Variants in RANBP2 observed in about 807,000 individuals in gnomAD.
RANBP2 encodes the protein RAN binding protein 2, also known as E3 SUMO-protein ligase RanBP2.
In RANBP2, 57 loss-of-function variants were observed where a neutral mutation model predicts 303.6. That is an observed-to-expected ratio of 0.19 (90% CI 0.15 to 0.23). The LOEUF (loss-of-function observed/expected upper bound fraction) is 0.23, where lower values mean the gene tolerates loss of function less well. RANBP2 is among the 10% of genes least tolerant of loss of function. The probability of loss-of-function intolerance (pLI) is 1.00; values close to 1 mark genes in which losing one functional copy is unlikely to be tolerated. For missense variants in RANBP2, 3,138 were observed against 3,780.8 expected (o/e 0.83, Z 4.46); for synonymous variants, 1,167 against 1,301.5 (o/e 0.90, Z 2.23).
At chr2:109,297,330 C>T in the RANBP2 span, among the ~76,000 whole-genome samples, 1 of 152,118 alleles carries the variant, frequency 6.6e-6, no homozygotes, top group South Asian at 2.1e-4. Context: ...AGACCCTTTG[C>T]TCAGTTGAGA....
the RANBP2 span, among the ~76,000 whole-genome samples, chr2:109,336,276 T>G: frequency 6.6e-6 from 1 of 152,232 alleles, no homozygotes; most frequent in African/African-American, 2.4e-5. Context: ...TTCTCTAGAC[T>G]AGGTAAAATG....
chr2:109,000,284 T>C, the RANBP2 span, among the ~76,000 whole-genome samples: 2 of 152,130 alleles, frequency 1.3e-5, no homozygotes, highest in East Asian at 3.9e-4. Context: ...CCCAGCACTT[T>C]AGGAGGCTGA....
chr2:109,386,927 A>G, the RANBP2 span, among the ~76,000 whole-genome samples: 1 of 152,226 alleles, frequency 6.6e-6, no homozygotes, highest in African/African-American at 2.4e-5. Flanking sequence ...CCATAGGTCG[A>G]TGGAGACTCC....
At chr2:108,912,600 T>A in the RANBP2 span, 1 of 1,354,296 alleles carries the variant, frequency 7.4e-7, no homozygotes, top group Non-Finnish European at 1.0e-6. Context: ...TCACTCATGA[T>A]CATTTCCTCT....
the RANBP2 span, among the ~76,000 whole-genome samples, chr2:109,527,177 A>T: frequency 5.3e-5 from 8 of 152,192 alleles, no homozygotes; most frequent in African/African-American, 1.9e-4. Context: ...CACGAAGCAG[A>T]TGTGTGTGCC....
the RANBP2 span, among the ~76,000 whole-genome samples, chr2:109,514,726 G>A: frequency 6.6e-6 from 1 of 152,320 alleles, no homozygotes; most frequent in East Asian, 1.9e-4. Flanking sequence ...CTGTGGGACC[G>A]ATTGGTCTCT....
the RANBP2 span, among the ~76,000 whole-genome samples, chr2:108,828,697 G>A: frequency 6.6e-6 from 1 of 152,104 alleles, no homozygotes; most frequent in Non-Finnish European, 1.5e-5. Flanking sequence ...AATTTAACTC[G>A]GCTGGGCGTG....
At chr2:109,398,995 C>T in the RANBP2 span, 3 of 1,525,938 alleles carry the variant, frequency 2.0e-6, no homozygotes, top group Non-Finnish European at 1.8e-6. Flanking sequence ...GGGGTTCTAT[C>T]CTCAGCTCCG....
chr2:109,431,157 G>A, the RANBP2 span, among the ~76,000 whole-genome samples: 1 of 152,184 alleles, frequency 6.6e-6, no homozygotes, highest in South Asian at 2.1e-4. Context: ...TCCAGCATCA[G>A]GAGGGTGCAA....
the RANBP2 span, among the ~76,000 whole-genome samples, chr2:108,848,844 T>C: frequency 6.6e-6 from 1 of 152,202 alleles, no homozygotes; most frequent in African/African-American, 2.4e-5. Flanking sequence ...GCACTTCATA[T>C]TATGTATTGA....
the RANBP2 span, among the ~76,000 whole-genome samples, chr2:109,499,212 C>G: frequency 0.38 from 57,500 of 151,892 alleles, 11,197 homozygotes; most frequent in Admixed American, 0.53. Context: ...GGGGCCGTGT[C>G]TCCTAGACAG....
the RANBP2 span, among the ~76,000 whole-genome samples, chr2:109,039,080 A>G: frequency 6.6e-6 from 1 of 152,206 alleles, no homozygotes; most frequent in Admixed American, 6.5e-5. Flanking sequence ...CTTACCCTCC[A>G]TTAGGCAAGC....
chr2:108,837,268 C>T, the RANBP2 span, among the ~76,000 whole-genome samples: 601 of 152,152 alleles, frequency 4.0e-3, 6 homozygotes, highest in South Asian at 0.017. Context: ...TTGTTCAGTG[C>T]TTTTTCTTTG....
chr2:109,439,025 A>G, the RANBP2 span, among the ~76,000 whole-genome samples: 1 of 152,208 alleles, frequency 6.6e-6, no homozygotes, highest in African/African-American at 2.4e-5. Context: ...TCTGCCCAGA[A>G]TAGCCAGTAT....
At chr2:109,677,109 C>T in the RANBP2 span, among the ~76,000 whole-genome samples, 2 of 152,288 alleles carry the variant, frequency 1.3e-5, no homozygotes, top group Non-Finnish European at 2.9e-5. Context: ...CTCTCATCAG[C>T]ACCTCCTCCT....
the RANBP2 span, among the ~76,000 whole-genome samples, chr2:109,315,939 A>G: frequency 1.3e-5 from 2 of 152,178 alleles, no homozygotes; most frequent in Non-Finnish European, 2.9e-5. Flanking sequence ...TTTGGAGAAT[A>G]TGGAGCCTTT....
chr2:108,855,583 G>T, the RANBP2 span, among the ~76,000 whole-genome samples: 1 of 151,834 alleles, frequency 6.6e-6, no homozygotes. Context: ...TATTTACAAT[G>T]TTTTTTTAAA....
the RANBP2 span, among the ~76,000 whole-genome samples, chr2:109,500,907 A>G: frequency 6.6e-6 from 1 of 152,190 alleles, no homozygotes; most frequent in African/African-American, 2.4e-5. Flanking sequence ...CTAGGATCAT[A>G]CCACGGCACT....
the RANBP2 span, among the ~76,000 whole-genome samples, chr2:108,956,541 A>C: frequency 6.6e-6 from 1 of 152,184 alleles, no homozygotes; most frequent in Non-Finnish European, 1.5e-5. Context: ...ATGGCATTGA[A>C]ATCTGGCAAG....
Sources: allele counts gnomAD v4.1 joint callset (sites outside exome capture counted in the v4.1 genomes callset), GRCh38; gene constraint gnomAD v4.1.1; transcripts MANE v1.5; gene names NCBI Gene and HGNC (gene_info 2026-07-23, HGNC 2026-07-21).